The following GRID2 variants were observed in gnomAD, a reference collection of about 807,000 sequenced individuals.
The protein encoded by GRID2 is glutamate receptor ionotropic, delta-2.
A neutral mutation model predicts 114.8 loss-of-function variants in GRID2; 33 were observed. The ratio of observed to expected loss-of-function variants is 0.29; its 90% CI spans 0.22 to 0.38. GRID2 has a LOEUF of 0.38. Ranked by LOEUF, GRID2 falls within the 10% of genes least tolerant of loss-of-function variation. The pLI, the probability that GRID2 is intolerant of heterozygous loss-of-function variation, is 1.00. For missense variants in GRID2, 1,184 were observed against 1,257.7 expected, an observed-to-expected ratio of 0.94 and a Z score of 0.89; for synonymous variants, 505 against 449.9, an observed-to-expected ratio of 1.12 and a Z score of -1.55.
intron 1 of GRID2, among the ~76,000 whole-genome samples, chr4:92,346,327 A>C (rs537965937): frequency 6.6e-6 from 1 of 152,214 alleles, no homozygotes; most frequent in Admixed American, 6.5e-5. Context: ...TATTTCATTC[A>C]TGGTATAATT....
intron 13 of GRID2, among the ~76,000 whole-genome samples, chr4:93,517,349 TAG>T (rs1309724346): frequency 6.6e-6 from 1 of 152,106 alleles, no homozygotes; most frequent in Non-Finnish European, 1.5e-5. Flanking sequence ...TATTCTTTGT[TAG>T]TCTGTTGATA....
At position 93,197,584 on chromosome 4, in the gene GRID2, C is replaced by T. The variant is rs1741632057; in HGVS notation, c.736-9820C>T. Among the ~76,000 whole-genome samples the T allele has an allele frequency of 2.6e-5, 4 of 152,114 alleles. No individual in the cohort carries two copies. In the South Asian group the frequency reaches 8.3e-4, roughly 31 times the overall value. Reference sequence around the variant, plus strand: ...ACTGGACAGAATAAATGTTGTCAAACATGACCATTTATGAGTACTGTCAAA... The same window carrying T: ...ACTGGACAGAATAAATGTTGTCAAATATGACCATTTATGAGTACTGTCAAA... On this transcript the variant is annotated intron_variant, in intron 4 of 15. Transcript: ENST00000282020.
intron 1 of GRID2, among the ~76,000 whole-genome samples, chr4:92,347,726 T>A (rs188981607): frequency 1.6e-4 from 24 of 152,166 alleles, no homozygotes; most frequent in African/African-American, 5.3e-4. Flanking sequence ...AAGGCGAGAT[T>A]GAGGGATAGT....
intron 14 of GRID2, among the ~76,000 whole-genome samples, chr4:93,728,668 T>C (rs1173840068): frequency 6.6e-6 from 1 of 152,222 alleles, no homozygotes; most frequent in Admixed American, 6.5e-5. Flanking sequence ...ATCTGGGTGC[T>C]CGTGTATTGG....
chr4:92,643,139 T>C (rs1317927984), intron 2 of GRID2, among the ~76,000 whole-genome samples: 1 of 151,762 alleles, frequency 6.6e-6, no homozygotes, highest in African/African-American at 2.4e-5. Context: ...TCTGTGAGAA[T>C]GACCTTGGTA....
intron 1 of GRID2, among the ~76,000 whole-genome samples, chr4:92,515,250 C>T (rs1724444049): frequency 6.6e-6 from 1 of 151,710 alleles, no homozygotes; most frequent in Admixed American, 6.6e-5. Flanking sequence ...ATTTCTGTTC[C>T]TACATAGAAT....
chr4:93,267,303 C>T (rs1750962377), intron 8 of GRID2, among the ~76,000 whole-genome samples: 1 of 151,936 alleles, frequency 6.6e-6, no homozygotes, highest in Non-Finnish European at 1.5e-5. Context: ...CTACGCTGGG[C>T]TGGGCTGGGA....
At chr4:92,942,397 C>A (rs1273355449) in intron 2 of GRID2, among the ~76,000 whole-genome samples, 2 of 152,072 alleles carry the variant, frequency 1.3e-5, no homozygotes. Context: ...GCAACTCCTG[C>A]CTTTTTTTGT....
At chr4:92,876,136 A>G (rs569856829) in intron 2 of GRID2, among the ~76,000 whole-genome samples, 1 of 151,952 alleles carries the variant, frequency 6.6e-6, no homozygotes, top group Non-Finnish European at 1.5e-5. Flanking sequence ...TTAATCCTCA[A>G]TTTCCAGAGT....
At chr4:93,459,167 T>A (rs1303955715) in intron 11 of GRID2, among the ~76,000 whole-genome samples, 3 of 88,094 alleles carry the variant, frequency 3.4e-5, no homozygotes, top group Non-Finnish European at 6.2e-5. Context: ...ATGACAAGAG[T>A]GAAACTCCAT....
chr4:93,563,959 AT>A (rs1371531036), intron 13 of GRID2, among the ~76,000 whole-genome samples: 7 of 152,036 alleles, frequency 4.6e-5, no homozygotes, highest in Admixed American at 1.3e-4. Context: ...AATGAAAAAA[AT>A]AAATGAGAAG....
At chr4:93,501,378 G>A (rs769957622) in intron 12 of GRID2, among the ~76,000 whole-genome samples, 10 of 152,002 alleles carry the variant, frequency 6.6e-5, no homozygotes, top group Non-Finnish European at 1.5e-4. Flanking sequence ...GGTGGATGAA[G>A]TGAGCGAGGG....
intron 1 of GRID2, among the ~76,000 whole-genome samples, chr4:92,583,720 C>T (rs183207905): frequency 4.5e-4 from 67 of 149,638 alleles, no homozygotes; most frequent in African/African-American, 1.0e-3. Context: ...TATAAACACA[C>T]GCACAAATAA....
intron 14 of GRID2, among the ~76,000 whole-genome samples, chr4:93,681,323 G>A (rs577994329): frequency 6.6e-6 from 1 of 151,666 alleles, no homozygotes; most frequent in Non-Finnish European, 1.5e-5. Flanking sequence ...TGGGTAGGAA[G>A]AATCAATATC....
intron 2 of GRID2, among the ~76,000 whole-genome samples, chr4:93,000,045 C>G (rs1755443064): frequency 6.6e-6 from 1 of 151,564 alleles, no homozygotes; most frequent in African/African-American, 2.4e-5. Flanking sequence ...ATGTAACAAT[C>G]TCATTGGAGA....
chr4:92,673,578 A>C (rs141184138), intron 2 of GRID2, among the ~76,000 whole-genome samples: 26 of 152,224 alleles, frequency 1.7e-4, no homozygotes, highest in African/African-American at 6.3e-4. Context: ...CTGTTTTTTT[A>C]GGTGAAACCA....
chr4:93,780,309 C>G (rs1734454220), intron 1 of GRID2, among the ~76,000 whole-genome samples: 1 of 152,158 alleles, frequency 6.6e-6, no homozygotes, highest in Non-Finnish European at 1.5e-5. Context: ...TCTTTGGGAA[C>G]AGCCAATACA....
intron 1 of GRID2, among the ~76,000 whole-genome samples, chr4:92,482,165 G>C (rs1014685349): frequency 6.6e-6 from 1 of 150,828 alleles, no homozygotes; most frequent in African/African-American, 2.4e-5. Flanking sequence ...GTCCTTTGTA[G>C]CAACATGGAT....
chr4:92,987,101 C>A (rs1422549877), intron 2 of GRID2, among the ~76,000 whole-genome samples: 1 of 152,152 alleles, frequency 6.6e-6, no homozygotes, highest in Non-Finnish European at 1.5e-5. Flanking sequence ...AACTGATTTA[C>A]ATTAATTTTC....
Sources: gnomAD v4.1 joint callset for allele counts (sites outside exome capture counted in the v4.1 genomes callset) on GRCh38, gnomAD v4.1.1 for gene constraint, MANE v1.5 for transcripts, NCBI Gene and HGNC (gene_info 2026-07-23, HGNC 2026-07-21) for gene names.